The following GALNTL5 variants were observed in gnomAD, a reference collection of about 807,000 sequenced individuals.
GALNTL5 encodes the protein inactive polypeptide N-acetylgalactosaminyltransferase-like protein 5.
GALNTL5 carries 44 observed loss-of-function variants against 51.0 expected under a neutral mutation model. That is an observed-to-expected ratio of 0.86 (90% CI 0.68 to 1.11). The LOEUF (loss-of-function observed/expected upper bound fraction) is 1.11, where lower values mean the gene tolerates loss of function less well. Among genes scored for constraint, GALNTL5 ranks in the 50% least tolerant of loss-of-function variants. The pLI, the probability that GALNTL5 is intolerant of heterozygous loss-of-function variation, is 0.00. For synonymous variants in GALNTL5, 192 were observed against 182.8 expected (o/e 1.05, Z -0.41); for missense variants, 528 against 531.8 (o/e 0.99, Z 0.07).
chr7:151,982,944 C>T (rs2081311376), intron 3 of GALNTL5, 42 bp from the exon 4 acceptor site: 1 of 1,613,034 alleles, frequency 6.2e-7, no homozygotes. Context: ...ACATCCAAGG[C>T]ATTTAGATGG....
Position 151,967,368 on chromosome 7 carries a change from A to G in GALNTL5, c.122A>G (p.Glu41Gly). 1.9e-6 allele frequency: 3 copies of G among 1,614,196 alleles called. No individual in the cohort carries two copies. The highest frequency in any genetic ancestry group is 2.5e-6 in the Non-Finnish European group (3 of 1,180,018). Residue 41 changes from glutamate to glycine, a missense_variant, in exon 2 of 9, where the codon GAG (glutamate) becomes GGG (glycine). By Grantham distance (98) the Glu-to-Gly change is moderately conservative (BLOSUM62 -2). Coordinates refer to ENST00000392800, the MANE Select transcript of GALNTL5 (RefSeq NM_145292.4). The stretch of plus-strand genomic sequence containing the variant: ...AGCAGCTGGCAGAAGAAAAGCCAGG[A>G]GCCTCTGTCAGCTTGGTCCCCTGGA... ...HVSSWQKKSQ[E>G]PLSAWSPGKK...
intron 4 of GALNTL5, among the ~76,000 whole-genome samples, chr7:151,983,747 A>G (rs147394689): frequency 1.3e-5 from 2 of 152,242 alleles, no homozygotes; most frequent in Non-Finnish European, 2.9e-5. Context: ...GATGAGTTGT[A>G]ATGATCTAGG....
At chr7:152,006,875 C>T (rs1284650664) in intron 6 of GALNTL5, among the ~76,000 whole-genome samples, 1 of 152,016 alleles carries the variant, frequency 6.6e-6, no homozygotes, top group Non-Finnish European at 1.5e-5. Context: ...TCAAGCGATT[C>T]TCATGCCACA....
chr7:152,014,928 C>T (rs189929810), intron 8 of GALNTL5, 135 bp downstream of exon 8: 25 of 722,450 alleles, frequency 3.5e-5, no homozygotes, highest in East Asian at 3.0e-4. Flanking sequence ...AACACAGGAA[C>T]GGAAAACCAA....
chr7:151,993,535 A>T (rs1317012838), intron 5 of GALNTL5, among the ~76,000 whole-genome samples: 1 of 152,148 alleles, frequency 6.6e-6, no homozygotes, highest in African/African-American at 2.4e-5. Flanking sequence ...TTAATTATTT[A>T]TTACTAAACT....
At chr7:151,969,410 C>T (rs2081100075) in intron 2 of GALNTL5, among the ~76,000 whole-genome samples, 1 of 152,156 alleles carries the variant, frequency 6.6e-6, no homozygotes, top group African/African-American at 2.4e-5. Context: ...AACAAACTCA[C>T]CCATCCAAAC....
rs187069058 is a variant in GALNTL5 at position 151,981,037 on chromosome 7, G to A, written c.369-1949G>A. On this transcript the variant is annotated intron_variant, in intron 3 of 8. Coordinates refer to ENST00000392800, the MANE Select transcript of GALNTL5 (RefSeq NM_145292.4). Reference sequence around the variant, plus strand: ...TGGGATTACAGGCTTGAGCCACCGCGCCCGGCCACAATGATTTTTTTATTT... The same window carrying A: ...TGGGATTACAGGCTTGAGCCACCGCACCCGGCCACAATGATTTTTTTATTT... 8.1e-4 allele frequency among the ~76,000 whole-genome samples: 123 copies of A among 152,070 alleles called. 1 individual carries two copies. The highest frequency in any genetic ancestry group is 2.5e-3 in the African/African-American group (105 of 41,470).
chr7:151,993,030 GA>G (rs2081447282), intron 5 of GALNTL5, among the ~76,000 whole-genome samples: 1 of 152,070 alleles, frequency 6.6e-6, no homozygotes, highest in South Asian at 2.1e-4. Context: ...CTGAGGTCGG[GA>G]GTTCGAGACT....
intron 1 of GALNTL5, among the ~76,000 whole-genome samples, chr7:151,966,379 T>A (rs2081060456): frequency 6.6e-6 from 1 of 152,120 alleles, no homozygotes; most frequent in Non-Finnish European, 1.5e-5. Flanking sequence ...GCGATTTTCC[T>A]GCCTCAGCCT....
At chr7:151,973,281 C>T (rs1419797731) in intron 3 of GALNTL5, among the ~76,000 whole-genome samples, 1 of 151,162 alleles carries the variant, frequency 6.6e-6, no homozygotes, top group Non-Finnish European at 1.5e-5. Context: ...ATGGTGAAAC[C>T]CCATCTCTAC....
At chr7:151,979,293 G>A (rs904903593) in intron 3 of GALNTL5, among the ~76,000 whole-genome samples, 2 of 66,512 alleles carry the variant, frequency 3.0e-5, no homozygotes, top group East Asian at 4.4e-4. Flanking sequence ...TTTTTTTTTT[G>A]TAAGTAGAGA....
intron 6 of GALNTL5, among the ~76,000 whole-genome samples, chr7:152,005,818 A>C (rs1245002196): frequency 6.6e-6 from 1 of 152,188 alleles, no homozygotes; most frequent in African/African-American, 2.4e-5. Flanking sequence ...CTTAGGACTC[A>C]ATCTATAACA....
chr7:152,003,375 T>C (rs1422052729), intron 6 of GALNTL5, among the ~76,000 whole-genome samples: 2 of 152,246 alleles, frequency 1.3e-5, no homozygotes, highest in Non-Finnish European at 2.9e-5. Flanking sequence ...CAGGAGATAC[T>C]GTTCACACAA....
At chr7:152,011,187 C>T (rs1407389660) in intron 7 of GALNTL5, among the ~76,000 whole-genome samples, 2 of 152,190 alleles carry the variant, frequency 1.3e-5, no homozygotes, top group South Asian at 2.1e-4. Context: ...CTCAGTTCCA[C>T]CCTGTTTCTA....
chr7:152,018,294 G>A (rs762102190), intron 8 of GALNTL5, among the ~76,000 whole-genome samples: 1 of 152,174 alleles, frequency 6.6e-6, no homozygotes, highest in Non-Finnish European at 1.5e-5. Context: ...TGTCTGTCTC[G>A]TCATCTGTGC....
At chr7:151,963,955 G>T (rs1228799550) in intron 1 of GALNTL5, among the ~76,000 whole-genome samples, 5 of 152,156 alleles carry the variant, frequency 3.3e-5, no homozygotes, top group Non-Finnish European at 7.4e-5. Flanking sequence ...CTTGGCAGCT[G>T]TAGGAGTCAG....
Position 152,007,964 on chromosome 7 carries a change from T to A in GALNTL5, c.1026+20T>A. 7.9e-7 allele frequency: 1 copy of A among 1,271,728 alleles called. No homozygotes were observed. Among genetic ancestry groups the A allele is most frequent in the Middle Eastern group, 1.9e-4 (1 of 5,330 alleles). 78.8% of individuals were successfully genotyped at this position (1,271,728 alleles called of 1,614,324 possible). On this transcript the variant is annotated intron_variant, in intron 7 of 8. Coordinates refer to ENST00000392800, the MANE Select transcript of GALNTL5 (RefSeq NM_145292.4). ...CTAAGGGTAATTCAGATTTCATTTT[T>A]AAAATAGCTATAGAGAGTGAAACCT...
intron 1 of GALNTL5, among the ~76,000 whole-genome samples, chr7:151,966,381 C>T (rs1006214948): frequency 2.0e-5 from 3 of 152,024 alleles, no homozygotes; most frequent in Admixed American, 1.3e-4. Context: ...GATTTTCCTG[C>T]CTCAGCCTCC....
At position 152,003,058 on chromosome 7, in the gene GALNTL5, C is replaced by T; in HGVS notation, c.908+95C>T. 7 of 1,086,688 alleles carry T rather than the reference C, an allele frequency of 6.4e-6. No individual in the cohort carries two copies. The South Asian group carries it at 9.2e-5, about 14-fold the overall frequency. 67.3% of individuals were successfully genotyped at this position (1,086,688 alleles called of 1,614,324 possible). A position where few individuals can be genotyped will look rare whatever the true frequency, so the allele number is the denominator to read the frequency against. On this transcript the variant is annotated intron_variant, in intron 6 of 8. Coordinates refer to ENST00000392800, the MANE Select transcript of GALNTL5 (RefSeq NM_145292.4). ...GAGATTATTCTTTCAAGTTCTTGGG[C>T]TTAATCAAAATGTTATGTTACTTGT... is the stretch of plus-strand genomic sequence containing the variant.
Sources: allele counts gnomAD v4.1 joint callset (sites outside exome capture counted in the v4.1 genomes callset), GRCh38; gene constraint gnomAD v4.1.1; transcripts MANE v1.5; gene names NCBI Gene and HGNC (gene_info 2026-07-23, HGNC 2026-07-21).